DNAH12: variants seen among roughly 807,000 people sequenced by gnomAD.
DNAH12 encodes dynein axonemal heavy chain 12, also known as axonemal beta dynein heavy chain 12.
Under a neutral mutation model 371.5 loss-of-function variants are expected in DNAH12, and 285 were observed. The ratio of observed to expected loss-of-function variants is 0.77; its 90% CI spans 0.70 to 0.85. The LOEUF (loss-of-function observed/expected upper bound fraction) is 0.85, where lower values mean the gene tolerates loss of function less well. DNAH12 is among the 40% of genes least tolerant of loss of function. The pLI is 0.00. For synonymous variants in DNAH12, 1,200 were observed against 1,213.0 expected, an observed-to-expected ratio of 0.99 and a Z score of 0.22; for missense variants, 3,611 against 3,689.4, an observed-to-expected ratio of 0.98 and a Z score of 0.55.
chr3:57,360,768 AGTAATTAGT>A (rs2062909373), intron 58 of DNAH12, among the ~76,000 whole-genome samples: 1 of 152,184 alleles, frequency 6.6e-6, no homozygotes, highest in African/African-American at 2.4e-5. Context: ...AGAGATGATG[AGTAATTAGT>A]GCAATCTCTG....
intron 60 of DNAH12, among the ~76,000 whole-genome samples, chr3:57,336,375 TAAAGC>T (rs1206797153): frequency 4.4e-4 from 67 of 152,146 alleles, no homozygotes; most frequent in African/African-American, 1.4e-3. Context: ...CTGAAGGAGT[TAAAGC>T]AAAGTATGAA....
intron 60 of DNAH12, among the ~76,000 whole-genome samples, chr3:57,349,739 G>T (rs964868716): frequency 6.6e-6 from 1 of 152,196 alleles, no homozygotes; most frequent in African/African-American, 2.4e-5. Context: ...GCTCAAGCTG[G>T]AATGCAGTGG....
intron 2 of DNAH12, among the ~76,000 whole-genome samples, chr3:57,541,931 G>C (rs1321090601): frequency 6.6e-6 from 1 of 152,096 alleles, no homozygotes; most frequent in African/African-American, 2.4e-5. Flanking sequence ...AGAGAATGTA[G>C]AAAGGGAAAC....
intron 69 of DNAH12, among the ~76,000 whole-genome samples, chr3:57,307,899 A>C (rs1412330374): frequency 6.6e-6 from 1 of 152,184 alleles, no homozygotes; most frequent in Non-Finnish European, 1.5e-5. Context: ...ACACACCAGC[A>C]AAGGCAGGCT....
rs376214078 is a variant in DNAH12 at position 57,445,969 on chromosome 3, T to C, written c.4179+62A>G. On this transcript the variant is annotated intron_variant, in intron 27 of 73. Coordinates refer to ENST00000495027, the MANE Select transcript of DNAH12 (RefSeq NM_001366028.2). ...CGCCACTGCACTCCAGCCTGGGCAA[T>C]AGAGTAAGACTGTTTCAAAAACATA... 230 of 1,419,254 alleles carry C rather than the reference T, an allele frequency of 1.6e-4. 3 individuals carry two copies. In the East Asian group the frequency reaches 3.6e-3, roughly 22 times the overall value. The allele number at this position is 1,419,254 out of a possible 1,614,324, so 87.9% of individuals were successfully genotyped here.
At chr3:57,429,494 A>C (rs1008255111) in intron 33 of DNAH12, among the ~76,000 whole-genome samples, 197 bp downstream of exon 33, 2 of 152,046 alleles carry the variant, frequency 1.3e-5, no homozygotes, top group African/African-American at 2.4e-5. Context: ...CACACTCTTA[A>C]AGCACTAACA....
In DNAH12 at chr3:57,457,853, A is replaced by G; in HGVS notation, c.3204T>C (p.Ser1068=). The G allele has an allele frequency of 6.4e-7, 1 of 1,551,670 alleles. No individual in the cohort carries two copies. Among genetic ancestry groups the G allele is most frequent in the Non-Finnish European group, 8.7e-7 (1 of 1,146,984 alleles). ...PNLDIKAMYS[S]EGERVELIAL... is the part of the protein sequence containing the mutation. ...CAATCAGCTCCACTCGCTCGCCCTC[A>G]GAGCTATACATGGCTTTAATGTCCA... Residue 1068 remains serine (S), a synonymous_variant, in exon 22 of 74, where the codon TCT becomes TCC. Coordinates refer to ENST00000495027, the MANE Select transcript of DNAH12 (RefSeq NM_001366028.2).
chr3:57,294,176 CT>C (rs62779960), intron 73 of DNAH12, among the ~76,000 whole-genome samples: 48,966 of 128,546 alleles, frequency 0.38, 9,909 homozygotes, highest in East Asian at 0.84. Flanking sequence ...CTTTTCTTTT[CT>C]TTTTTTTTTT....
chr3:57,447,834 C>G (rs540914269), intron 25 of DNAH12, among the ~76,000 whole-genome samples: 1 of 152,044 alleles, frequency 6.6e-6, no homozygotes, highest in Admixed American at 6.6e-5. Flanking sequence ...CCACCACACT[C>G]AGTTTATTTT....
chr3:57,303,674 G>T (rs1456227288), intron 69 of DNAH12, among the ~76,000 whole-genome samples: 1 of 152,046 alleles, frequency 6.6e-6, no homozygotes, highest in Non-Finnish European at 1.5e-5. Context: ...AAAGTGTTGG[G>T]GTTATAGTAT....
intron 2 of DNAH12, among the ~76,000 whole-genome samples, chr3:57,536,588 C>T (rs1419440571): frequency 3.9e-5 from 6 of 152,146 alleles, no homozygotes; most frequent in Non-Finnish European, 1.5e-5. Context: ...ATATCCTCCT[C>T]CTTTCTTTGT....
chr3:57,540,799 G>A (rs1452482763), intron 2 of DNAH12, among the ~76,000 whole-genome samples: 1 of 151,910 alleles, frequency 6.6e-6, no homozygotes, highest in Admixed American at 6.6e-5. Flanking sequence ...GTGTGGTGGT[G>A]TACGCCTGTA....
intron 29 of DNAH12, 89 bp from the exon 30 acceptor site, chr3:57,437,149 T>TA (rs78888096): frequency 6.4e-4 from 504 of 793,462 alleles, no homozygotes; most frequent in East Asian, 9.0e-4. Context: ...ATTTACTAGT[T>TA]AAAAAAAAAC....
intron 33 of DNAH12, 115 bp from the exon 34 acceptor site, chr3:57,428,936 C>T: frequency 1.0e-6 from 1 of 976,102 alleles, no homozygotes; most frequent in Non-Finnish European, 1.5e-6. Flanking sequence ...CTCCCATCTG[C>T]TTCACATAGC....
intron 13 of DNAH12, among the ~76,000 whole-genome samples, chr3:57,481,003 C>T (rs536671307): frequency 6.6e-6 from 1 of 152,274 alleles, no homozygotes; most frequent in South Asian, 2.1e-4. Flanking sequence ...CCTTTGAAAA[C>T]TGGCACAAGA....
intron 11 of DNAH12, among the ~76,000 whole-genome samples, chr3:57,492,948 T>C (rs1015690211): frequency 2.0e-5 from 3 of 152,042 alleles, no homozygotes; most frequent in Non-Finnish European, 2.9e-5. Context: ...GAGCTTGCAG[T>C]GAGTAGGGAT....
At chr3:57,319,650 G>A (rs1475132344) in intron 65 of DNAH12, among the ~76,000 whole-genome samples, 1 of 152,080 alleles carries the variant, frequency 6.6e-6, no homozygotes, top group Non-Finnish European at 1.5e-5. Context: ...CACGATCTCA[G>A]CTCACTGCAC....
At chr3:57,510,114 A>C (rs528925642) in intron 5 of DNAH12, among the ~76,000 whole-genome samples, 1 of 151,968 alleles carries the variant, frequency 6.6e-6, no homozygotes, top group Non-Finnish European at 1.5e-5. Context: ...AAAAGGAAAA[A>C]AGTTTATTCT....
At chr3:57,327,394 G>C (rs922822970) in intron 62 of DNAH12, among the ~76,000 whole-genome samples, 7 of 151,932 alleles carry the variant, frequency 4.6e-5, no homozygotes, top group Non-Finnish European at 8.8e-5. Flanking sequence ...TAGAACTCAG[G>C]ATTCAGAAAC....
Sources: gnomAD v4.1 joint callset for allele counts (sites outside exome capture counted in the v4.1 genomes callset) on GRCh38, gnomAD v4.1.1 for gene constraint, MANE v1.5 for transcripts, NCBI Gene and HGNC (gene_info 2026-07-23, HGNC 2026-07-21) for gene names.